The following RASA3 variants were observed in gnomAD, a reference collection of about 807,000 sequenced individuals.
RASA3 encodes the protein ras GTPase-activating protein 3.
A neutral mutation model predicts 110.0 loss-of-function variants in RASA3; 73 were observed. The observed-to-expected ratio is 0.66, with a 90% CI of 0.55 to 0.81. The LOEUF (loss-of-function observed/expected upper bound fraction) is 0.81. Ranked by LOEUF, RASA3 falls within the 30% of genes least tolerant of loss-of-function variation. The probability of loss-of-function intolerance (pLI) is 0.00; values close to 1 mark genes in which losing one functional copy is unlikely to be tolerated. For missense variants in RASA3, 976 were observed against 1,113.2 expected, an observed-to-expected ratio of 0.88 and a Z score of 1.75; for synonymous variants, 500 against 451.4, an observed-to-expected ratio of 1.11 and a Z score of -1.37.
intron 20 of RASA3, among the ~76,000 whole-genome samples, chr13:113,998,904 A>G (rs1389691073): frequency 1.3e-5 from 2 of 152,260 alleles, no homozygotes; most frequent in African/African-American, 2.4e-5. Context: ...GACAGCGGCA[A>G]ACTCGAATGT....
intron 1 of RASA3, chr13:114,108,722 G>A (rs113984751): frequency 0.02 from 2,969 of 152,140 alleles, 37 homozygotes; most frequent in Non-Finnish European, 0.029. Flanking sequence ...GTGTGGCGAC[G>A]ACACAGCCCT....
At position 114,018,905 on chromosome 13, in the gene RASA3, G is replaced by T. The variant is rs766545097; in HGVS notation, c.800C>A (p.Pro267His). 1.2e-6 allele frequency: 2 copies of T among 1,613,802 alleles called. No individual in the cohort carries two copies. The highest frequency in any genetic ancestry group is 2.2e-5 in the South Asian group (2 of 91,080). ...TAGGCTCTTGCTACCATTGTCCCGG[G>T]GCTGGAGGAAGTACCTGGGTGGGAG... is the stretch of plus-strand genomic sequence containing the variant. ...SSYEAWYFLQPRDNGSKSLKP... is the reference protein window; with the variant it reads ...SSYEAWYFLQHRDNGSKSLKP... The change falls in exon 10 of 24, where the codon CCC becomes CAC. Residue 267 changes from proline to histidine, a missense_variant. Pro to His is a moderately conservative substitution (Grantham distance 77). Transcript: ENST00000334062.
rs1055962805 is a variant in RASA3, at chr13:114,011,791, G to A, written c.1513-543C>T. Among the ~76,000 whole-genome samples, 4 of 152,038 alleles carry A rather than the reference G, an allele frequency of 2.6e-5. No individual in the cohort carries two copies. Among genetic ancestry groups the A allele is most frequent in the African/African-American group, 4.8e-5 (2 of 41,380 alleles). On this transcript the variant is annotated intron_variant, in intron 15 of 23. Coordinates refer to ENST00000334062, the MANE Select transcript of RASA3 (RefSeq NM_007368.4). The surrounding 1 kb of genome is among the most constrained non-coding windows in gnomAD (Gnocchi z 4.8). The stretch of plus-strand genomic sequence containing the variant: ...TACAAAATTAGCTGGGCGTGGTGGC[G>A]CACGTCTGTAATCCAAGCTACTAGG...
At chr13:114,060,694 G>A (rs946473994) in intron 2 of RASA3, among the ~76,000 whole-genome samples, 2 of 152,216 alleles carry the variant, frequency 1.3e-5, no homozygotes, top group East Asian at 1.9e-4. Context: ...AGCTGGAGCC[G>A]CGCACGCCCG....
chr13:114,058,679 G>A (rs898709955), intron 2 of RASA3, among the ~76,000 whole-genome samples: 7 of 152,212 alleles, frequency 4.6e-5, no homozygotes, highest in Admixed American at 4.6e-4. Flanking sequence ...CCTGCTCCTC[G>A]GAGGACTGGT....
In RASA3 at chr13:114,065,357, C is replaced by T. The variant is rs947696581; in HGVS notation, c.173+8363G>A. Among the ~76,000 whole-genome samples the T allele has an allele frequency of 1.3e-5, 2 of 152,182 alleles. No individual in the cohort carries two copies. Among genetic ancestry groups the T allele is most frequent in the South Asian group, 2.1e-4 (1 of 4,832 alleles). On this transcript the variant is annotated intron_variant, in intron 2 of 23. Transcript: ENST00000334062. This position sits in a 1 kb window ranked among gnomAD's most constrained non-coding sequence, Gnocchi z 4.1. ...CCATTTCCCAAACGCTGGGGGGAGC[C>T]GGGAGCTGCCAGGGCTGCCCCAGCC... is the stretch of plus-strand genomic sequence containing the variant.
At chr13:114,031,005 G>A (rs1201524748) in intron 4 of RASA3, among the ~76,000 whole-genome samples, 1 of 152,028 alleles carries the variant, frequency 6.6e-6, no homozygotes, top group Non-Finnish European at 1.5e-5. Context: ...GTGCGGCTGT[G>A]TGTCTGCCTG....
chr13:113,980,101 A>G (rs868822437), intron 23 of RASA3, among the ~76,000 whole-genome samples: 3 of 101,146 alleles, frequency 3.0e-5, no homozygotes, highest in Non-Finnish European at 5.7e-5. Context: ...ACGTGTGTGC[A>G]CCCCTCTCGC....
At chr13:114,052,028 A>G in intron 3 of RASA3, 24 bp downstream of exon 3, 1 of 1,523,472 alleles carries the variant, frequency 6.6e-7, no homozygotes, top group Non-Finnish European at 9.1e-7. Context: ...GAAAAGGGGA[A>G]GTAAATGCTC....
rs1375213108 is a variant in RASA3, at chr13:114,100,681, C to T, written c.56-26844G>A. Among the ~76,000 whole-genome samples, 5 of 152,206 alleles carry T rather than the reference C, an allele frequency of 3.3e-5. No homozygotes were observed. In the East Asian group the frequency reaches 9.6e-4, roughly 29 times the overall value. On this transcript the variant is annotated intron_variant, in intron 1 of 23. Transcript: ENST00000334062. ...ACACCAGGACACCTGGGCAAACAGC[C>T]TCAACTCGGAAAATCCCAGGCTGGT...
chr13:114,055,515 T>C (rs1109630), intron 2 of RASA3, among the ~76,000 whole-genome samples: 56,208 of 152,104 alleles, frequency 0.37, 10,623 homozygotes, highest in Middle Eastern at 0.51. Flanking sequence ...ACACCAGACG[T>C]GCATTTTAAT....
rs9590420 is a variant in RASA3 at position 114,041,131 on chromosome 13, A to G, written c.278-37T>C. 2.2e-3 allele frequency: 3,440 copies of G among 1,574,330 alleles called. 58 individuals carry two copies. The African/African-American group carries it at 0.042, about 19-fold the overall frequency. On this transcript the variant is annotated intron_variant, in intron 3 of 23. Coordinates refer to ENST00000334062, the MANE Select transcript of RASA3 (RefSeq NM_007368.4). Reference sequence around the variant, plus strand: ...GCAGAGAAGACTTCACCACGGGCACAGGCCCCAGAGCCAGGACGCCTGTGA... The same window carrying G: ...GCAGAGAAGACTTCACCACGGGCACGGGCCCCAGAGCCAGGACGCCTGTGA...
chr13:114,087,378 C>T (rs1161728376), intron 1 of RASA3, among the ~76,000 whole-genome samples: 9 of 152,340 alleles, frequency 5.9e-5, no homozygotes, highest in South Asian at 2.1e-4. Context: ...TCGTCCTCAG[C>T]GTATGTGATG....
In RASA3 at chr13:114,056,462, G is replaced by A. The variant is rs2079247380; in HGVS notation, c.174-4307C>T. 1.0e-5 allele frequency: 10 copies of A among 985,298 alleles called. No individual in the cohort carries two copies. In the South Asian group the frequency reaches 2.8e-4, roughly 28 times the overall value. 61.0% of individuals were successfully genotyped at this position (985,298 alleles called of 1,614,324 possible). A position where few individuals can be genotyped will look rare whatever the true frequency, so the allele number is the denominator to read the frequency against. On this transcript the variant is annotated intron_variant, in intron 2 of 23. Transcript: ENST00000334062. The surrounding 1 kb of genome is among the most constrained non-coding windows in gnomAD (Gnocchi z 5.7). The stretch of plus-strand genomic sequence containing the variant: ...CTGATGAAACGAAACTAACCCCAGG[G>A]CTTGGGCAGCAGGGCTGAGAGTGCG...
At position 114,048,812 on chromosome 13, in the gene RASA3, C is replaced by T. The variant is rs978277767; in HGVS notation, c.277+3240G>A. On this transcript the variant is annotated intron_variant, in intron 3 of 23. Coordinates refer to ENST00000334062, the MANE Select transcript of RASA3 (RefSeq NM_007368.4). The surrounding 1 kb of genome is among the most constrained non-coding windows in gnomAD (Gnocchi z 4.3). ...TCACGCCGCCCGGGACCCGCCGACACTGGACACTTCTCCTGCTCCTGCTGT... is the reference window on the plus strand; with the variant it reads ...TCACGCCGCCCGGGACCCGCCGACATTGGACACTTCTCCTGCTCCTGCTGT... Among the ~76,000 whole-genome samples the T allele has an allele frequency of 6.6e-6, 1 of 151,898 alleles. No homozygotes were observed. The highest frequency in any genetic ancestry group is 2.4e-5 in the African/African-American group (1 of 41,408).
intron 1 of RASA3, among the ~76,000 whole-genome samples, chr13:114,088,285 C>G (rs2079846742): frequency 1.3e-5 from 2 of 152,212 alleles, no homozygotes; most frequent in African/African-American, 4.8e-5. Flanking sequence ...TGCTGTGTGA[C>G]TTATTTTCTA....
chr13:114,031,655 G>A (rs953041849), intron 4 of RASA3, among the ~76,000 whole-genome samples: 4 of 152,170 alleles, frequency 2.6e-5, no homozygotes, highest in African/African-American at 9.7e-5. Flanking sequence ...GCGGCTATGT[G>A]TGCCTACCTG....
At chr13:114,025,779 T>C (rs775409897) in intron 7 of RASA3, among the ~76,000 whole-genome samples, 5 of 152,256 alleles carry the variant, frequency 3.3e-5, no homozygotes, top group Admixed American at 2.0e-4. Context: ...CTGCTTCCCA[T>C]AGAAACGGAA....
chr13:113,981,027 C>T (rs1409970673), intron 23 of RASA3, among the ~76,000 whole-genome samples: 5 of 152,180 alleles, frequency 3.3e-5, no homozygotes, highest in Non-Finnish European at 5.9e-5. Context: ...CCATGGTGGA[C>T]CTGGGTACCC....
Sources: gnomAD v4.1 joint callset for allele counts (sites outside exome capture counted in the v4.1 genomes callset) on GRCh38, gnomAD v4.1.1 for gene constraint, Gnocchi (gnomAD v3.1) non-coding constraint, MANE v1.5 for transcripts, NCBI Gene and HGNC (gene_info 2026-07-23, HGNC 2026-07-21) for gene names.